The following RBFOX1 variants were observed in gnomAD, a reference collection of about 807,000 sequenced individuals.
RBFOX1 encodes RNA binding protein fox-1 homolog 1.
A neutral mutation model predicts 57.7 loss-of-function variants in RBFOX1; 8 were observed. The ratio of observed to expected loss-of-function variants is 0.14; its 90% CI spans 0.08 to 0.25. The LOEUF is 0.25. Ranked by LOEUF, RBFOX1 falls within the 10% of genes least tolerant of loss-of-function variation. The probability of loss-of-function intolerance (pLI) is 1.00; values close to 1 mark genes in which losing one functional copy is unlikely to be tolerated. For synonymous variants in RBFOX1, 326 were observed against 222.4 expected, an observed-to-expected ratio of 1.47 and a Z score of -4.15; for missense variants, 611 against 548.5, an observed-to-expected ratio of 1.11 and a Z score of -1.14.
In RBFOX1 at chr16:6,891,154, A is replaced by G. The variant is rs577463606; in HGVS notation, c.-15-160903A>G. ...CAGTTAAAGCCTACTCATGTCTTCCATTACAGGTGCCAATGCATCCATTTT... is the reference window on the plus strand; with the variant it reads ...CAGTTAAAGCCTACTCATGTCTTCCGTTACAGGTGCCAATGCATCCATTTT... On this transcript the variant is annotated intron_variant, in intron 3 of 15. Coordinates refer to ENST00000550418, the MANE Select transcript of RBFOX1 (RefSeq NM_018723.4). Among the ~76,000 whole-genome samples, 5 of 152,300 alleles carry G rather than the reference A, an allele frequency of 3.3e-5. No individual in the cohort carries two copies. In the East Asian group the frequency reaches 9.7e-4, roughly 29 times the overall value.
intron 2 of RBFOX1, among the ~76,000 whole-genome samples, chr16:6,626,318 C>T (rs924953804): frequency 5.3e-5 from 8 of 152,046 alleles, no homozygotes; most frequent in African/African-American, 7.2e-5. Context: ...CACCCATGAA[C>T]CTAGAAGAGA....
intron 4 of RBFOX1, among the ~76,000 whole-genome samples, chr16:7,387,079 T>G (rs8055252): frequency 0.081 from 12,354 of 152,228 alleles, 543 homozygotes; most frequent in East Asian, 0.19. Flanking sequence ...GGGGTTGTTT[T>G]TTTCTTGTAA....
At chr16:5,819,777 T>C (rs2055778813) in intron 3 of RBFOX1, among the ~76,000 whole-genome samples, 1 of 152,228 alleles carries the variant, frequency 6.6e-6, no homozygotes. Context: ...TCAACAAATA[T>C]TATTGAGCAC....
chr16:7,366,722 C>A (rs1045732400), intron 4 of RBFOX1, among the ~76,000 whole-genome samples: 1 of 151,806 alleles, frequency 6.6e-6, no homozygotes, highest in African/African-American at 2.4e-5. Context: ...GTGCCAGAGA[C>A]CCAATTATGG....
At chr16:7,012,849 C>G (rs544473879) in intron 3 of RBFOX1, among the ~76,000 whole-genome samples, 1 of 152,258 alleles carries the variant, frequency 6.6e-6, no homozygotes, top group African/African-American at 2.4e-5. Context: ...GACTGGGTGG[C>G]TTGAACAAGA....
chr16:6,278,233 G>A (rs1052960222), intron 1 of RBFOX1, among the ~76,000 whole-genome samples: 4 of 151,784 alleles, frequency 2.6e-5, no homozygotes, highest in East Asian at 3.9e-4. Context: ...GGGATGATTC[G>A]TTGCAGGCAA....
chr16:6,738,227 G>C (rs1389943265), intron 3 of RBFOX1, among the ~76,000 whole-genome samples: 2 of 152,102 alleles, frequency 1.3e-5, no homozygotes, highest in Non-Finnish European at 2.9e-5. Flanking sequence ...GTAATGGACA[G>C]CAATCCTTGA....
At chr16:6,976,788 TATATATG>T (rs552760906) in intron 3 of RBFOX1, among the ~76,000 whole-genome samples, 128 of 128,602 alleles carry the variant, frequency 1.0e-3, no homozygotes, top group Middle Eastern at 3.9e-3. Context: ...CAATATATTA[TATATATG>T]ATATATGAGA....
chr16:5,876,078 C>T (rs895273269), intron 4 of RBFOX1, among the ~76,000 whole-genome samples: 6 of 152,072 alleles, frequency 3.9e-5, no homozygotes, highest in African/African-American at 7.2e-5. Flanking sequence ...CTTATGACCT[C>T]GTGATCCACC....
chr16:5,637,697 G>T (rs1215451190), intron 3 of RBFOX1, among the ~76,000 whole-genome samples: 2 of 152,186 alleles, frequency 1.3e-5, no homozygotes, highest in Non-Finnish European at 1.5e-5. Flanking sequence ...CAGGGAGGCA[G>T]ATGGGGAAGG....
chr16:6,450,813 A>ATG (rs2094589655), intron 2 of RBFOX1, among the ~76,000 whole-genome samples: 1 of 14,544 alleles, frequency 6.9e-5, no homozygotes, highest in African/African-American at 4.6e-4. Flanking sequence ...ATATATATAT[A>ATG]TATACATATA....
intron 1 of RBFOX1, among the ~76,000 whole-genome samples, chr16:6,161,124 C>G (rs1010836299): frequency 6.6e-6 from 1 of 152,172 alleles, no homozygotes; most frequent in Non-Finnish European, 1.5e-5. Context: ...CACAGTGACT[C>G]ATGCTTGTCA....
At chr16:6,742,527 C>A (rs570454440) in intron 3 of RBFOX1, among the ~76,000 whole-genome samples, 11 of 152,130 alleles carry the variant, frequency 7.2e-5, no homozygotes, top group Non-Finnish European at 1.5e-4. Context: ...CCCCAGAAAG[C>A]TATACACAAT....
chr16:6,147,030 A>G (rs528520126), intron 1 of RBFOX1, among the ~76,000 whole-genome samples: 1 of 152,288 alleles, frequency 6.6e-6, no homozygotes, highest in African/African-American at 2.4e-5. Context: ...GACTCACTGC[A>G]TCAGCATCGC....
chr16:6,403,940 G>A (rs1193597289), intron 2 of RBFOX1, among the ~76,000 whole-genome samples: 1 of 152,114 alleles, frequency 6.6e-6, no homozygotes. Context: ...GTAGGAAGGT[G>A]GCTGTCTGTA....
At chr16:5,571,746 A>G (rs1292039350) in intron 2 of RBFOX1, among the ~76,000 whole-genome samples, 1 of 152,180 alleles carries the variant, frequency 6.6e-6, no homozygotes, top group East Asian at 1.9e-4. Context: ...TCTTTTACTC[A>G]ATAAATACGA....
At chr16:5,402,750 C>T (rs60018174) in intron 1 of RBFOX1, among the ~76,000 whole-genome samples, 13,902 of 152,180 alleles carry the variant, frequency 0.091, 665 homozygotes, top group South Asian at 0.15. Context: ...GTGTTAATCT[C>T]AGCCCTTTAG....
At chr16:6,436,925 C>T (rs949508199) in intron 2 of RBFOX1, among the ~76,000 whole-genome samples, 2 of 152,112 alleles carry the variant, frequency 1.3e-5, no homozygotes, top group Non-Finnish European at 2.9e-5. Flanking sequence ...ATTTTCTCTC[C>T]AGTCGATGGG....
intron 3 of RBFOX1, among the ~76,000 whole-genome samples, chr16:5,814,902 G>C (rs1283889968): frequency 6.6e-6 from 1 of 151,974 alleles, no homozygotes; most frequent in African/African-American, 2.4e-5. Flanking sequence ...GCAGTCCGCA[G>C]TCCGGCCTGG....
Sources: gnomAD v4.1 joint callset for allele counts (sites outside exome capture counted in the v4.1 genomes callset) on GRCh38, gnomAD v4.1.1 for gene constraint, MANE v1.5 for transcripts, NCBI Gene and HGNC (gene_info 2026-07-23, HGNC 2026-07-21) for gene names.